CSPG4: variants seen among roughly 807,000 people sequenced by gnomAD.
CSPG4 encodes chondroitin sulfate proteoglycan 4.
CSPG4 carries 74 observed loss-of-function variants against 139.3 expected under a neutral mutation model. That is an observed-to-expected ratio of 0.53 (90% CI 0.44 to 0.64). The LOEUF is 0.64. CSPG4 is among the 30% of genes least tolerant of loss of function. The pLI is 0.00. For synonymous variants in CSPG4, 1,234 were observed against 1,394.2 expected, an observed-to-expected ratio of 0.89 and a Z score of 2.56; for missense variants, 2,565 against 3,148.3, an observed-to-expected ratio of 0.81 and a Z score of 4.43.
rs1041999554 is a variant in CSPG4, at chr15:75,698,328, G to A, written c.89-5095C>T. On this transcript the variant is annotated intron_variant, in intron 1 of 9. Coordinates refer to ENST00000308508, the MANE Select transcript of CSPG4 (RefSeq NM_001897.5). The surrounding 1 kb of genome is among the most constrained non-coding windows in gnomAD (Gnocchi z 4.3). ...CATAGGTGTGTATGTGGTGGGGCGG[G>A]GGGTGGTCGTGGCCCACCTGGGGGC... 1.3e-5 allele frequency among the ~76,000 whole-genome samples: 2 copies of A among 151,806 alleles called. No homozygotes were observed. The highest frequency in any genetic ancestry group is 6.6e-5 in the Admixed American group (1 of 15,256).
chr15:75,690,213 G>C lies in CSPG4; in HGVS notation c.852C>G (p.Pro284=), dbSNP rs549083696. 6.2e-7 allele frequency: 1 copy of C among 1,613,386 alleles called. No homozygotes were observed. The highest frequency in any genetic ancestry group is 1.3e-5 in the African/African-American group (1 of 75,072). Residue 284 remains proline (P), a synonymous_variant, in exon 3 of 10, where the codon CCC becomes CCG. Coordinates refer to ENST00000308508, the MANE Select transcript of CSPG4 (RefSeq NM_001897.5). ...CATTGATGTGGACACTGACCTCATGGGGCTGCCCATCGGCCACAGGCACAC... is the reference window on the plus strand; with the variant it reads ...CATTGATGTGGACACTGACCTCATGCGGCTGCCCATCGGCCACAGGCACAC... ...HNSVPVADGQ[P]HEVSVHINAH...
intron 1 of CSPG4, among the ~76,000 whole-genome samples, 156 bp from the exon 2 acceptor site, chr15:75,693,389 C>A (rs1894190532): frequency 6.6e-6 from 1 of 152,254 alleles, no homozygotes; most frequent in South Asian, 2.1e-4. Context: ...TGCCCGGGTC[C>A]CAGCATCTTC....
chr15:75,689,622 G>A lies in CSPG4; in HGVS notation c.1443C>T (p.Leu481=), dbSNP rs780848454. ...CCTGGGCTCCCGGGATGTCCAGCTCGAGCTCGCCATGGCGTGCCCCTCGGG... is the reference window on the plus strand; with the variant it reads ...CCTGGGCTCCCGGGATGTCCAGCTCAAGCTCGCCATGGCGTGCCCCTCGGG... The part of the protein sequence containing the change: ...SVTRGARHGE[L]ELDIPGAQAR... The change falls in exon 3 of 10, where the codon CTC becomes CTT. Residue 481 remains leucine (L), a synonymous_variant. Coordinates refer to ENST00000308508, the MANE Select transcript of CSPG4 (RefSeq NM_001897.5). 43 of 1,612,740 alleles carry A rather than the reference G, an allele frequency of 2.7e-5. No homozygotes were observed. Among genetic ancestry groups the A allele is most frequent in the Middle Eastern group, 3.3e-4 (2 of 6,030 alleles).
Position 75,689,206 on chromosome 15 carries a change from T to A in CSPG4, c.1859A>T (p.Glu620Val). The A allele has an allele frequency of 1.2e-6, 2 of 1,608,220 alleles. No individual in the cohort carries two copies. The highest frequency in any genetic ancestry group is 1.7e-6 in the Non-Finnish European group (2 of 1,178,430). Reference sequence around the variant, plus strand: ...ATAGACTAGGCTGCCGGCCTCCAACTCCCGGCAGGAGAACTCGGTCGCCGG... The same window carrying A: ...ATAGACTAGGCTGCCGGCCTCCAACACCCGGCAGGAGAACTCGGTCGCCGG... ...GEPATEFSCR[E>V]LEAGSLVYVH... Residue 620 changes from glutamate (E) to valine (V), a missense_variant, in exon 3 of 10, where the codon GAG (glutamate) becomes GTG (valine). Physicochemically the swap from Glu to Val is moderately radical, Grantham distance 121. Around this residue, in one of 5 missense-constraint regions of CSPG4, gnomAD observed 2,316 missense variants for 2,818.2 expected, o/e 0.82. Coordinates refer to ENST00000308508, the MANE Select transcript of CSPG4 (RefSeq NM_001897.5).
Position 75,688,383 on chromosome 15 carries a change from AC to A in CSPG4, c.2681del (p.Gly894ValfsTer64). ...TGAGGACAGGCGCATCTGGGTCACC[AC>A]CAATGTGGATGGGGAAGGTATAGAG... is the stretch of plus-strand genomic sequence containing the variant. Reference protein sequence around the residue: ...SPLYTFPIHIGGDPDAPVLTN... With the variant: ...SPLYTFPIHIXGDPDAPVLTN... On this transcript the variant is annotated frameshift_variant, in exon 3 of 10. Coordinates refer to ENST00000308508, the MANE Select transcript of CSPG4 (RefSeq NM_001897.5). LOFTEE classifies it high-confidence loss of function. The A allele has an allele frequency of 6.2e-7, 1 of 1,613,334 alleles. No individual in the cohort carries two copies. Among genetic ancestry groups the A allele is most frequent in the Non-Finnish European group, 8.5e-7 (1 of 1,180,038 alleles).
rs192500677 is a variant in CSPG4 at position 75,698,326 on chromosome 15, G to C, written c.89-5093C>G. On this transcript the variant is annotated intron_variant, in intron 1 of 9. Transcript: ENST00000308508. This position sits in a 1 kb window ranked among gnomAD's most constrained non-coding sequence, Gnocchi z 4.3. ...CTCATAGGTGTGTATGTGGTGGGGCGGGGGGTGGTCGTGGCCCACCTGGGG... is the reference window on the plus strand; with the variant it reads ...CTCATAGGTGTGTATGTGGTGGGGCCGGGGGTGGTCGTGGCCCACCTGGGG... Among the ~76,000 whole-genome samples the C allele has an allele frequency of 1.9e-4, 28 of 147,766 alleles. No homozygotes were observed. The East Asian group carries it at 4.7e-3, about 25-fold the overall frequency.
Position 75,688,819 on chromosome 15 carries a change from T to C in CSPG4, c.2246A>G (p.Gln749Arg). Residue 749 changes from glutamine (Q) to arginine (R), a missense_variant, in exon 3 of 10, where the codon CAG becomes CGG. By Grantham distance (43) the Gln-to-Arg change is conservative. Coordinates refer to ENST00000308508, the MANE Select transcript of CSPG4 (RefSeq NM_001897.5). ...CTCCACGGTGTCGTAAGCGTGGTGC[T>C]GTGGGTCAGTGCTCAGGTACCTCAC... ...GRVRYLSTDPQHHAYDTVENL... is the reference protein window; with the variant it reads ...GRVRYLSTDPRHHAYDTVENL... 6.2e-7 allele frequency: 1 copy of C among 1,612,906 alleles called. No individual in the cohort carries two copies. The highest frequency in any genetic ancestry group is 2.2e-5 in the East Asian group (1 of 44,884).
In CSPG4 at chr15:75,687,841, G is replaced by A. The variant is rs148868265; in HGVS notation, c.3224C>T (p.Thr1075Met). 3.9e-5 allele frequency: 63 copies of A among 1,612,808 alleles called. No individual in the cohort carries two copies. The highest frequency in any genetic ancestry group is 1.6e-4 in the Middle Eastern group (1 of 6,084). ...FGSIVAVDEP[T>M]RPIYRFTQED... The stretch of plus-strand genomic sequence containing the variant: ...CTGGGTGAAGCGGTAGATGGGCCGC[G>A]TGGGCTCATCTACGGCCACGATACT... Residue 1075 changes from threonine to methionine, a missense_variant, in exon 3 of 10, where the codon ACG becomes ATG. Transcript: ENST00000308508. This position sits in a 1 kb window ranked among gnomAD's most constrained non-coding sequence, Gnocchi z 5.4.
intron 1 of CSPG4, 77 bp from the exon 2 acceptor site, chr15:75,693,310 T>A (rs1596010675): frequency 7.6e-7 from 1 of 1,316,950 alleles, no homozygotes; most frequent in Non-Finnish European, 1.0e-6. Context: ...GAGGGACGGG[T>A]GGGTTGCAGA....
Position 75,689,437 on chromosome 15 carries a change from G to A in CSPG4, c.1628C>T (p.Pro543Leu). ...CLRRGQTYLL[P>L]IQVNPVNDPP... is the part of the protein sequence containing the mutation. ...GTCATTGACAGGGTTGACCTGGATGGGCAGGAGGTATGTTTGGCCCCTCCG... is the reference window on the plus strand; with the variant it reads ...GTCATTGACAGGGTTGACCTGGATGAGCAGGAGGTATGTTTGGCCCCTCCG... Residue 543 changes from proline to leucine, a missense_variant, in exon 3 of 10, where the codon CCC (proline) becomes CTC (leucine). By Grantham distance (98) the Pro-to-Leu change is moderately conservative. This residue lies in a region of CSPG4 where 2,316 missense variants were observed against 2,818.2 expected (regional missense o/e 0.82). Coordinates refer to ENST00000308508, the MANE Select transcript of CSPG4 (RefSeq NM_001897.5). 2 of 1,612,804 alleles carry A rather than the reference G, an allele frequency of 1.2e-6. No individual in the cohort carries two copies. The highest frequency in any genetic ancestry group is 1.7e-6 in the Non-Finnish European group (2 of 1,179,850).
Position 75,676,883 on chromosome 15 carries a change from C to T in CSPG4, c.5636G>A (p.Gly1879Asp). Reference sequence around the variant, plus strand: ...GCCACCACCCACCAGGCTGAGGAAGCCGTTGTGGGGTGCCCGCTGGACCTC... The same window carrying T: ...GCCACCACCCACCAGGCTGAGGAAGTCGTTGTGGGGTGCCCGCTGGACCTC... ...EYEVQRAPHN[G>D]FLSLVGGGLG... Residue 1879 changes from glycine to aspartate, a missense_variant, in exon 10 of 10, where the codon GGC becomes GAC. Physicochemically the swap from Gly to Asp is moderately conservative, Grantham distance 94. Coordinates refer to ENST00000308508, the MANE Select transcript of CSPG4 (RefSeq NM_001897.5). The T allele has an allele frequency of 6.3e-7, 1 of 1,591,526 alleles. No homozygotes were observed. The highest frequency in any genetic ancestry group is 8.6e-7 in the Non-Finnish European group (1 of 1,169,542).
intron 8 of CSPG4, 146 bp downstream of exon 8, chr15:75,682,147 A>G: frequency 1.9e-6 from 2 of 1,054,708 alleles, no homozygotes; most frequent in East Asian, 2.4e-5. Context: ...GGAGGACAGG[A>G]CACTAGCGCC....
Position 75,689,054 on chromosome 15 carries a change from A to G in CSPG4, c.2011T>C (p.Leu671=), listed in dbSNP as rs551261723. 161 of 1,611,062 alleles carry G rather than the reference A, an allele frequency of 1.0e-4. No homozygotes were observed. The highest frequency in any genetic ancestry group is 1.6e-4 in the East Asian group (7 of 44,864). Residue 671 remains leucine, a synonymous_variant, in exon 3 of 10, where the codon TTG becomes CTG. Coordinates refer to ENST00000308508, the MANE Select transcript of CSPG4 (RefSeq NM_001897.5). ...PAIQIHRSTG[L]RLAQGSAMPI... ...ATGGCAGAGCCTTGGGCCAGTCGCA[A>G]CCCTGTGCTGCGGTGGATCTGTATG...
rs745897204 is a variant in CSPG4 at position 75,689,525 on chromosome 15, T to C, written c.1540A>G (p.Thr514Ala). 15 of 1,612,714 alleles carry C rather than the reference T, an allele frequency of 9.3e-6. No homozygotes were observed. Among genetic ancestry groups the C allele is most frequent in the Non-Finnish European group, 1.3e-5 (15 of 1,179,830 alleles). ...ARFIHDGSED[T>A]SDQLVLEVSV... ...ACCTCCAGCACCAGCTGGTCGGAGG[T>C]GTCCTCAGAGCCATCGTGGATGAAG... The change falls in exon 3 of 10, where the codon ACC becomes GCC. Residue 514 changes from threonine (T) to alanine (A), a missense_variant. This residue lies in a region of CSPG4 where 2,316 missense variants were observed against 2,818.2 expected (regional missense o/e 0.82). Transcript: ENST00000308508.
intron 2 of CSPG4, among the ~76,000 whole-genome samples, chr15:75,692,425 C>G (rs558869950): frequency 6.6e-6 from 1 of 152,290 alleles, no homozygotes; most frequent in African/African-American, 2.4e-5. Flanking sequence ...CAGCCTGGCA[C>G]AAATTCGGAA....
chr15:75,712,566 C>A lies in CSPG4; in HGVS notation c.88+102G>T, dbSNP rs559078747. Reference sequence around the variant, plus strand: ...GGGAGAAGCGCAGCCTGCTTGACTCCCGATCTGGGGGCCACTTCTGGCTCC... The same window carrying A: ...GGGAGAAGCGCAGCCTGCTTGACTCACGATCTGGGGGCCACTTCTGGCTCC... On this transcript the variant is annotated intron_variant, in intron 1 of 9. Coordinates refer to ENST00000308508, the MANE Select transcript of CSPG4 (RefSeq NM_001897.5). The A allele has an allele frequency of 1.1e-5, 13 of 1,186,816 alleles. No individual in the cohort carries two copies. In the South Asian group the frequency reaches 1.5e-4, roughly 13 times the overall value. 73.5% of individuals were successfully genotyped at this position (1,186,816 alleles called of 1,614,324 possible).
intron 1 of CSPG4, among the ~76,000 whole-genome samples, chr15:75,707,640 C>T (rs1894391439): frequency 6.6e-6 from 1 of 152,210 alleles, no homozygotes; most frequent in Non-Finnish European, 1.5e-5. Context: ...GGAAGGACAT[C>T]TTCCAAGGGC....
intron 8 of CSPG4, among the ~76,000 whole-genome samples, chr15:75,681,538 C>T (rs1893973012): frequency 2.0e-5 from 3 of 152,246 alleles, no homozygotes; most frequent in South Asian, 4.1e-4. Context: ...GATGCCCATG[C>T]AGCCTCCTGG....
chr15:75,702,580 G>A (rs1894319740), intron 1 of CSPG4, among the ~76,000 whole-genome samples: 2 of 152,142 alleles, frequency 1.3e-5, no homozygotes, highest in Non-Finnish European at 2.9e-5. Context: ...GCCTCTGGGA[G>A]CTCGCCCCAG....
Sources: allele counts gnomAD v4.1 joint callset (sites outside exome capture counted in the v4.1 genomes callset), GRCh38; gene constraint gnomAD v4.1.1; regional missense constraint gnomAD v4.1.1; non-coding constraint Gnocchi (gnomAD v3.1); transcripts MANE v1.5; gene names NCBI Gene and HGNC (gene_info 2026-07-23, HGNC 2026-07-21).